The following CFAP47 variants were observed in gnomAD, a reference collection of about 807,000 sequenced individuals.
The protein encoded by CFAP47 is cilia- and flagella-associated protein 47.
A neutral mutation model predicts 148.1 loss-of-function variants in CFAP47; 29 were observed. The ratio of observed to expected loss-of-function variants is 0.20; its 90% CI spans 0.15 to 0.27. The LOEUF (loss-of-function observed/expected upper bound fraction) is 0.27. CFAP47 is among the 10% of genes least tolerant of loss of function. CFAP47 has a pLI of 1.00. For synonymous variants in CFAP47, 664 were observed against 577.3 expected (o/e 1.15, Z -2.15); for missense variants, 1,872 against 1,697.5 (o/e 1.10, Z -1.81).
intron 61 of CFAP47, among the ~76,000 whole-genome samples, chrX:36,364,437 C>CAAA (rs1941853673): frequency 1.2e-5 from 1 of 82,771 alleles, no homozygotes; most frequent in East Asian, 4.2e-4. Flanking sequence ...TCAGATTGTC[C>CAAA]TAATAAATAA....
At chrX:36,022,106 A>G (rs1186791417) in intron 22 of CFAP47, 2 of 111,179 alleles carry the variant, frequency 1.8e-5, no homozygotes, top group African/African-American at 3.3e-5. Flanking sequence ...CTTACTGCCA[A>G]TTAACACCAT....
chrX:36,264,793 G>A (rs1556000786), intron 49 of CFAP47, among the ~76,000 whole-genome samples: 1 of 111,987 alleles, frequency 8.9e-6, no homozygotes, highest in Non-Finnish European at 1.9e-5. Flanking sequence ...TATTGTTGCA[G>A]GGGAGATAAT....
At chrX:36,272,394 A>G (rs1225820758) in intron 49 of CFAP47, among the ~76,000 whole-genome samples, 3 of 111,552 alleles carry the variant, frequency 2.7e-5, no homozygotes, top group Non-Finnish European at 3.8e-5. Context: ...TTGATTATTA[A>G]GAGAGTATTT....
chrX:35,984,267 G>GT lies in CFAP47; in HGVS notation c.2714-5043dup, dbSNP rs770651309. The stretch of plus-strand genomic sequence containing the variant: ...GTGTACAGAAGTGTTTGTAATATAA[G>GT]TTTTTTTTTGTATTTCTGTGGGGTA... On this transcript the variant is annotated intron_variant, in intron 15 of 63. Coordinates refer to ENST00000378653, the MANE Select transcript of CFAP47 (RefSeq NM_001304548.2). Among the ~76,000 whole-genome samples, 150 of 109,734 alleles carry GT rather than the reference G, an allele frequency of 1.4e-3. 1 individual carries two copies. The highest frequency in any genetic ancestry group is 2.6e-3 in the Admixed American group (27 of 10,332).
At chrX:36,297,395 T>C (rs1941253075) in intron 51 of CFAP47, among the ~76,000 whole-genome samples, 1 of 112,465 alleles carries the variant, frequency 8.9e-6, no homozygotes, top group African/African-American at 3.2e-5. Flanking sequence ...AGCTCCATGT[T>C]CTAAAGTACG....
intron 24 of CFAP47, among the ~76,000 whole-genome samples, chrX:36,037,500 C>A (rs904314676): frequency 6.3e-5 from 7 of 110,849 alleles, no homozygotes; most frequent in Admixed American, 5.8e-4. Context: ...GTAGCTGGGA[C>A]TAGAGGCGCA....
rs373497366 is a variant in CFAP47, at chrX:36,085,227, A to C, written c.4692-87A>C. On this transcript the variant is annotated intron_variant, in intron 29 of 63. Coordinates refer to ENST00000378653, the MANE Select transcript of CFAP47 (RefSeq NM_001304548.2). ...ACTTAGTTGATTTTAATAGAGTTTCATTTAGTCATTGAATTGAACATGTTT... is the reference window on the plus strand; with the variant it reads ...ACTTAGTTGATTTTAATAGAGTTTCCTTTAGTCATTGAATTGAACATGTTT... The C allele has an allele frequency of 2.0e-5, 11 of 547,937 alleles. No individual in the cohort carries two copies. In the African/African-American group the frequency reaches 2.6e-4, roughly 13 times the overall value. 45.2% of individuals were successfully genotyped at this position (547,937 alleles called of 1,213,427 possible).
intron 39 of CFAP47, among the ~76,000 whole-genome samples, chrX:36,168,519 A>G (rs1464876361): frequency 8.9e-6 from 1 of 112,029 alleles, no homozygotes; most frequent in East Asian, 2.8e-4. Flanking sequence ...AATGCATTAT[A>G]AGCCCATAAA....
intron 33 of CFAP47, among the ~76,000 whole-genome samples, chrX:36,129,634 A>G (rs762836601): frequency 1.8e-5 from 2 of 111,582 alleles, no homozygotes; most frequent in African/African-American, 3.2e-5. Flanking sequence ...ATATTTTATG[A>G]AGATAGACAT....
At chrX:36,112,052 C>T (rs1475908648) in intron 33 of CFAP47, among the ~76,000 whole-genome samples, 1 of 111,284 alleles carries the variant, frequency 9.0e-6, no homozygotes, top group African/African-American at 3.3e-5. Flanking sequence ...AAACTCAACT[C>T]CTGGATTTGT....
At chrX:36,266,275 G>T (rs1556001022) in intron 49 of CFAP47, among the ~76,000 whole-genome samples, 2 of 111,069 alleles carry the variant, frequency 1.8e-5, no homozygotes, top group African/African-American at 6.6e-5. Flanking sequence ...GGGCTGGGTT[G>T]ATGGTGGCAC....
chrX:36,281,163 A>T (rs1340967894), intron 50 of CFAP47, among the ~76,000 whole-genome samples: 1 of 112,151 alleles, frequency 8.9e-6, no homozygotes, highest in Non-Finnish European at 1.9e-5. Context: ...TGGGTGAATG[A>T]GTTTTTCTTT....
chrX:36,078,342 C>A (rs1450377480), intron 29 of CFAP47, among the ~76,000 whole-genome samples: 1 of 110,873 alleles, frequency 9.0e-6, no homozygotes, highest in Non-Finnish European at 1.9e-5. Flanking sequence ...GAGTCTAAGT[C>A]TCTTTGTAGG....
chrX:36,249,029 C>T (rs146658004), intron 48 of CFAP47, among the ~76,000 whole-genome samples: 1 of 109,526 alleles, frequency 9.1e-6, no homozygotes, highest in Admixed American at 9.8e-5. Context: ...GGAGGTGCAC[C>T]TGAAGCAGTG....
chrX:36,341,091 A>T (rs1941649114), intron 57 of CFAP47, among the ~76,000 whole-genome samples: 1 of 100,464 alleles, frequency 1.0e-5, no homozygotes, highest in South Asian at 4.6e-4. Context: ...GCTGGAGTGC[A>T]GTGGTGCGAT....
chrX:36,137,697 A>G (rs753688403), intron 33 of CFAP47, among the ~76,000 whole-genome samples: 9 of 111,112 alleles, frequency 8.1e-5, no homozygotes, highest in African/African-American at 2.9e-4. Context: ...TTTCTATTCC[A>G]TTATTACACT....
chrX:36,125,711 A>G (rs1042967792), intron 33 of CFAP47, among the ~76,000 whole-genome samples: 2 of 106,072 alleles, frequency 1.9e-5, no homozygotes, highest in African/African-American at 7.8e-5. Flanking sequence ...CAGAGAAACA[A>G]CAGTGTTTGT....
chrX:35,980,241 C>A (rs73468933), intron 15 of CFAP47, among the ~76,000 whole-genome samples: 1,944 of 111,818 alleles, frequency 0.017, 41 homozygotes, highest in African/African-American at 0.059. Context: ...CATCCAGTTT[C>A]TTTCCCATAC....
At position 36,353,599 on chromosome X, in the gene CFAP47, C is replaced by T. The variant is rs376579195; in HGVS notation, c.8769C>T (p.Phe2923=). 3.5e-5 allele frequency: 40 copies of T among 1,158,571 alleles called. No individual in the cohort carries two copies. The highest frequency in any genetic ancestry group is 7.9e-5 in the Admixed American group (3 of 38,173). The stretch of plus-strand genomic sequence containing the variant: ...AAATCATACTGAATGCTGGTTTTTT[C>T]GGATTTAGTCTTACTCCAGATCTGA... The part of the protein sequence containing the change: ...KVEIILNAGF[F]GFSLTPDLTE... The change falls in exon 60 of 64, where the codon TTC becomes TTT. Residue 2923 remains phenylalanine, a synonymous_variant. Coordinates refer to ENST00000378653, the MANE Select transcript of CFAP47 (RefSeq NM_001304548.2).
Sources: allele counts gnomAD v4.1 joint callset (sites outside exome capture counted in the v4.1 genomes callset), GRCh38; gene constraint gnomAD v4.1.1; transcripts MANE v1.5; gene names NCBI Gene and HGNC (gene_info 2026-07-23, HGNC 2026-07-21).